SDHB: variants seen among roughly 807,000 people sequenced by gnomAD.
SDHB encodes succinate dehydrogenase [ubiquinone] iron-sulfur subunit, mitochondrial.
A neutral mutation model predicts 39.7 loss-of-function variants in SDHB; 21 were observed. That is an observed-to-expected ratio of 0.53 (90% CI 0.37 to 0.76). The LOEUF is 0.76. Ranked by LOEUF, SDHB falls within the 30% of genes least tolerant of loss-of-function variation. SDHB has a pLI of 0.00. For synonymous variants in SDHB, 118 were observed against 117.0 expected (o/e 1.01, Z -0.06); for missense variants, 343 against 350.9 (o/e 0.98, Z 0.18).
chr1:17,045,972 C>T (rs9435747), intron 1 of SDHB, among the ~76,000 whole-genome samples: 64,051 of 152,006 alleles, frequency 0.42, 15,142 homozygotes, highest in Non-Finnish European at 0.54. Flanking sequence ...TGTTGCTTTG[C>T]TTGTGTGTTT....
chr1:17,025,225 A>G (rs1292427111), intron 5 of SDHB, among the ~76,000 whole-genome samples: 2 of 152,246 alleles, frequency 1.3e-5, no homozygotes, highest in African/African-American at 2.4e-5. Flanking sequence ...AGTGTAAGTT[A>G]ATGCTTATGA....
chr1:17,034,475 G>A lies in SDHB; in HGVS notation c.201-1330C>T, dbSNP rs535185282. On this transcript the variant is annotated intron_variant, in intron 2 of 7. Transcript: ENST00000375499. Reference sequence around the variant, plus strand: ...GGCTCACTGCAACCTCTACCTTCCGGGTTCAAGCGATTCTCCTGCCTCAGC... The same window carrying A: ...GGCTCACTGCAACCTCTACCTTCCGAGTTCAAGCGATTCTCCTGCCTCAGC... Among the ~76,000 whole-genome samples the A allele has an allele frequency of 5.9e-5, 9 of 152,124 alleles. No homozygotes were observed. In the South Asian group the frequency reaches 1.0e-3, roughly 18 times the overall value.
At chr1:17,053,010 A>G (rs1276024751) in intron 1 of SDHB, among the ~76,000 whole-genome samples, 1 of 152,144 alleles carries the variant, frequency 6.6e-6, no homozygotes, top group Non-Finnish European at 1.5e-5. Context: ...TCCAAAAAGG[A>G]GGGTAAGGAT....
intron 1 of SDHB, among the ~76,000 whole-genome samples, chr1:17,051,242 C>T (rs976539206): frequency 2.0e-5 from 3 of 152,116 alleles, no homozygotes; most frequent in Admixed American, 6.6e-5. Context: ...AGCATTTTTA[C>T]GTTAATCTAA....
intron 1 of SDHB, among the ~76,000 whole-genome samples, chr1:17,052,785 A>G (rs2078156082): frequency 6.6e-6 from 1 of 152,208 alleles, no homozygotes; most frequent in Non-Finnish European, 1.5e-5. Context: ...TGTGTTATGC[A>G]GCCATAGCAG....
At chr1:17,046,546 G>A (rs2078111135) in intron 1 of SDHB, among the ~76,000 whole-genome samples, 1 of 151,992 alleles carries the variant, frequency 6.6e-6, no homozygotes. Flanking sequence ...CCTACCCTTA[G>A]CAACTGATCA....
intron 2 of SDHB, among the ~76,000 whole-genome samples, chr1:17,036,860 C>T (rs2078053280): frequency 6.7e-6 from 1 of 150,326 alleles, no homozygotes; most frequent in African/African-American, 2.4e-5. Context: ...CTATTGTTGC[C>T]CAGGCTGGTC....
intron 1 of SDHB, among the ~76,000 whole-genome samples, chr1:17,046,711 C>T (rs1374346172): frequency 6.6e-6 from 1 of 151,936 alleles, no homozygotes; most frequent in East Asian, 1.9e-4. Context: ...AAAAATTAAA[C>T]TATTTATTTA....
At chr1:17,033,902 T>C (rs2101529865) in intron 2 of SDHB, among the ~76,000 whole-genome samples, 1 of 152,326 alleles carries the variant, frequency 6.6e-6, no homozygotes, top group Admixed American at 6.5e-5. Flanking sequence ...ATGCAGAAAC[T>C]GTGATTCTAC....
intron 3 of SDHB, among the ~76,000 whole-genome samples, chr1:17,029,099 T>TTTTG (rs1557741685): frequency 7.2e-6 from 1 of 139,268 alleles, no homozygotes; most frequent in African/African-American, 2.7e-5. Context: ...GCCTGTTTTT[T>TTTTG]TTTTTTTTTT....
At chr1:17,029,175 A>G (rs1195448824) in intron 3 of SDHB, among the ~76,000 whole-genome samples, 2 of 139,860 alleles carry the variant, frequency 1.4e-5, no homozygotes, top group African/African-American at 5.4e-5. Flanking sequence ...GTGCAATCAC[A>G]GCTCACTGCA....
In SDHB at chr1:17,049,009, C is replaced by T. The variant is rs570100887; in HGVS notation, c.73-4121G>A. On this transcript the variant is annotated intron_variant, in intron 1 of 7. Coordinates refer to ENST00000375499, the MANE Select transcript of SDHB (RefSeq NM_003000.3). ...TATAGGTACAGGCCACCTTGCCCGG[C>T]CTTTATTTTTTATTTTTATAGACAC... Among the ~76,000 whole-genome samples the T allele has an allele frequency of 5.3e-5, 8 of 151,890 alleles. No individual in the cohort carries two copies. The South Asian group carries it at 1.7e-3, about 32-fold the overall frequency.
At chr1:17,040,814 A>C (rs2078075810) in intron 2 of SDHB, among the ~76,000 whole-genome samples, 2 of 152,028 alleles carry the variant, frequency 1.3e-5, no homozygotes, top group Non-Finnish European at 2.9e-5. Flanking sequence ...TCCCTTTTCA[A>C]AAATCTTTCT....
chr1:17,024,674 A>G (rs899596824), intron 5 of SDHB, among the ~76,000 whole-genome samples: 3 of 152,232 alleles, frequency 2.0e-5, no homozygotes, highest in African/African-American at 7.2e-5. Context: ...CCATGTGCCC[A>G]GGGACGTGCC....
At chr1:17,033,784 A>G (rs2078035212) in intron 2 of SDHB, among the ~76,000 whole-genome samples, 1 of 152,266 alleles carries the variant, frequency 6.6e-6, no homozygotes, top group South Asian at 2.1e-4. Context: ...CACTGAGTGC[A>G]GAGAGCAGCA....
At chr1:17,037,110 GA>G (rs1425846426) in intron 2 of SDHB, among the ~76,000 whole-genome samples, 1 of 152,034 alleles carries the variant, frequency 6.6e-6, no homozygotes, top group Non-Finnish European at 1.5e-5. Flanking sequence ...GAAGGAAATA[GA>G]ACTATAATTA....
chr1:17,042,491 T>C (rs2078086367), intron 2 of SDHB, among the ~76,000 whole-genome samples: 1 of 152,118 alleles, frequency 6.6e-6, no homozygotes, highest in Admixed American at 6.6e-5. Flanking sequence ...TAAAAAATCG[T>C]TATGGGCTGG....
At chr1:17,024,569 C>T (rs1344555684) in intron 5 of SDHB, among the ~76,000 whole-genome samples, 1 of 152,206 alleles carries the variant, frequency 6.6e-6, no homozygotes. Context: ...GCGCCTTACA[C>T]GCTTTCCTTA....
chr1:17,046,671 T>C (rs1437466546), intron 1 of SDHB, among the ~76,000 whole-genome samples: 1 of 152,222 alleles, frequency 6.6e-6, no homozygotes, highest in East Asian at 1.9e-4. Flanking sequence ...CATATGTTAC[T>C]GCATATAACC....
Sources: gnomAD v4.1 joint callset for allele counts (sites outside exome capture counted in the v4.1 genomes callset) on GRCh38, gnomAD v4.1.1 for gene constraint, MANE v1.5 for transcripts, NCBI Gene and HGNC (gene_info 2026-07-23, HGNC 2026-07-21) for gene names.